ZBTB7C: variants seen among roughly 807,000 people sequenced by gnomAD.
ZBTB7C encodes zinc finger and BTB domain-containing protein 7C.
ZBTB7C carries 8 observed loss-of-function variants against 25.7 expected under a neutral mutation model. The ratio of observed to expected loss-of-function variants is 0.31; its 90% CI spans 0.18 to 0.56. The LOEUF is 0.56. Ranked by LOEUF, ZBTB7C falls within the 20% of genes least tolerant of loss-of-function variation. The pLI is 0.91. For synonymous variants in ZBTB7C, 394 were observed against 369.0 expected (o/e 1.07, Z -0.78); for missense variants, 824 against 855.2 (o/e 0.96, Z 0.46).
intron 1 of ZBTB7C, among the ~76,000 whole-genome samples, chr18:48,351,631 G>T (rs548912918): frequency 4.1e-4 from 63 of 152,336 alleles, no homozygotes; most frequent in African/African-American, 1.4e-3. Context: ...ATTCCTGGTG[G>T]AGATGTTGCT....
chr18:48,178,591 A>G (rs1173319006), intron 3 of ZBTB7C, among the ~76,000 whole-genome samples: 3 of 152,196 alleles, frequency 2.0e-5, no homozygotes, highest in Non-Finnish European at 4.4e-5. Flanking sequence ...GTGGCAGAAT[A>G]TGTTCTTCAA....
intron 2 of ZBTB7C, among the ~76,000 whole-genome samples, chr18:48,320,790 C>T (rs1170410685): frequency 3.3e-5 from 5 of 152,206 alleles, no homozygotes; most frequent in East Asian, 3.9e-4. Flanking sequence ...CCGGCTCAGG[C>T]GGCCACCACC....
At chr18:48,304,330 C>T (rs2045616279) in intron 2 of ZBTB7C, among the ~76,000 whole-genome samples, 1 of 152,128 alleles carries the variant, frequency 6.6e-6, no homozygotes, top group African/African-American at 2.4e-5. Context: ...TCAAGACTGC[C>T]CCTAGGAAGG....
intron 2 of ZBTB7C, among the ~76,000 whole-genome samples, chr18:48,207,343 A>G (rs530103022): frequency 3.9e-5 from 6 of 152,384 alleles, no homozygotes; most frequent in African/African-American, 1.4e-4. Flanking sequence ...TATGTACAAC[A>G]CAAAAACCTC....
chr18:48,318,318 CT>C (rs1568372857), intron 2 of ZBTB7C, among the ~76,000 whole-genome samples: 1 of 152,234 alleles, frequency 6.6e-6, no homozygotes, highest in African/African-American at 2.4e-5. Context: ...CCAACCCCCC[CT>C]CACAAGTCCT....
At chr18:48,243,929 A>C (rs1396818808) in intron 2 of ZBTB7C, among the ~76,000 whole-genome samples, 1 of 152,238 alleles carries the variant, frequency 6.6e-6, no homozygotes, top group African/African-American at 2.4e-5. Flanking sequence ...TAGGAAAAGG[A>C]CACCCTATTC....
chr18:48,227,408 AC>A (rs1356853777), intron 2 of ZBTB7C, among the ~76,000 whole-genome samples: 1 of 152,160 alleles, frequency 6.6e-6, no homozygotes, highest in Admixed American at 6.5e-5. Flanking sequence ...AAGCTGCTCC[AC>A]CCTCTTCCTT....
chr18:48,158,121 A>G (rs1401389174), intron 3 of ZBTB7C, among the ~76,000 whole-genome samples: 1 of 152,166 alleles, frequency 6.6e-6, no homozygotes, highest in Non-Finnish European at 1.5e-5. Context: ...TGGTCTGGAC[A>G]AGCTGAGAAG....
intron 2 of ZBTB7C, among the ~76,000 whole-genome samples, chr18:48,233,473 G>T (rs574007913): frequency 6.6e-6 from 1 of 152,234 alleles, no homozygotes; most frequent in Non-Finnish European, 1.5e-5. Flanking sequence ...AATACAAAGA[G>T]CATACATAAC....
intron 2 of ZBTB7C, among the ~76,000 whole-genome samples, chr18:48,205,382 C>A (rs763428128): frequency 6.6e-6 from 1 of 151,804 alleles, no homozygotes; most frequent in Non-Finnish European, 1.5e-5. Flanking sequence ...AATATGGGCA[C>A]AACCTCTACA....
chr18:48,274,250 C>T (rs753422903), intron 2 of ZBTB7C, among the ~76,000 whole-genome samples: 10 of 152,222 alleles, frequency 6.6e-5, no homozygotes, highest in Non-Finnish European at 1.2e-4. Flanking sequence ...TAAATGTAGA[C>T]AGCTGCTTCC....
rs35051690 is a variant in ZBTB7C at position 48,091,238 on chromosome 18, A to ATTTTTTTTTTTT, written c.-16-50127_-16-50116dup. Among the ~76,000 whole-genome samples, 7 of 64,670 alleles carry ATTTTTTTTTTTT rather than the reference A, an allele frequency of 1.1e-4. 1 individual carries two copies. The highest frequency in any genetic ancestry group is 1.4e-3 in the South Asian group (2 of 1,432). 42.4% of individuals were successfully genotyped at this position (64,670 alleles called of 152,430 possible). Reference sequence around the variant, plus strand: ...AGGCATGTGCCACTATGCCCGGATAATTTTTTTTTTTTTTTTTTTTTTTTT... The same window carrying ATTTTTTTTTTTT: ...AGGCATGTGCCACTATGCCCGGATAATTTTTTTTTTTTTTTTTTTTTTTTTTTTTTTTTTTTT... On this transcript the variant is annotated intron_variant, in intron 3 of 4. Transcript: ENST00000590800.
intron 1 of ZBTB7C, among the ~76,000 whole-genome samples, chr18:48,387,781 G>A (rs942940732): frequency 3.9e-5 from 6 of 152,142 alleles, no homozygotes; most frequent in Admixed American, 3.3e-4. Context: ...CATGGTTTTC[G>A]CCCTCTATGC....
chr18:48,206,076 T>A (rs1290377943), intron 2 of ZBTB7C, among the ~76,000 whole-genome samples: 2 of 152,216 alleles, frequency 1.3e-5, no homozygotes, highest in Non-Finnish European at 2.9e-5. Context: ...TGTGTATACA[T>A]GTGTGGAAAC....
At chr18:48,077,411 C>T (rs1177081417) in intron 3 of ZBTB7C, among the ~76,000 whole-genome samples, 1 of 152,208 alleles carries the variant, frequency 6.6e-6, no homozygotes, top group Non-Finnish European at 1.5e-5. Flanking sequence ...CCAGTACGCT[C>T]ACACCCCAAA....
At chr18:48,077,322 T>C (rs1484098874) in intron 3 of ZBTB7C, among the ~76,000 whole-genome samples, 1 of 152,112 alleles carries the variant, frequency 6.6e-6, no homozygotes, top group African/African-American at 2.4e-5. Context: ...AAGGTAACTA[T>C]GTAAGTGGAG....
chr18:48,064,830 G>A (rs3935040), intron 3 of ZBTB7C, among the ~76,000 whole-genome samples: 31,458 of 152,006 alleles, frequency 0.21, 3,808 homozygotes, highest in African/African-American at 0.34. Flanking sequence ...GATGCAGGCT[G>A]AAGTGGACCC....
rs568441863 is a variant in ZBTB7C, at chr18:48,263,425, C to G, written c.-79+74749G>C. Among the ~76,000 whole-genome samples the G allele has an allele frequency of 2.0e-5, 3 of 152,344 alleles. No homozygotes were observed. The South Asian group carries it at 6.2e-4, about 32-fold the overall frequency. ...GCTGATCTCTGCATCCACTCTGCAG[C>G]CACTCGTCCAGACATCAGAGTTAAG... On this transcript the variant is annotated intron_variant, in intron 2 of 4. Coordinates refer to ENST00000590800, the MANE Select transcript of ZBTB7C (RefSeq NM_001318841.2).
At chr18:48,125,533 G>C (rs910323636) in intron 3 of ZBTB7C, among the ~76,000 whole-genome samples, 1 of 152,170 alleles carries the variant, frequency 6.6e-6, no homozygotes, top group Admixed American at 6.5e-5. Flanking sequence ...TTCAGGATTC[G>C]GCTAACCCTG....
Sources: allele counts gnomAD v4.1 joint callset (sites outside exome capture counted in the v4.1 genomes callset), GRCh38; gene constraint gnomAD v4.1.1; transcripts MANE v1.5; gene names NCBI Gene and HGNC (gene_info 2026-07-23, HGNC 2026-07-21).